The following SLC22A24 variants were observed in gnomAD, a reference collection of about 807,000 sequenced individuals.
SLC22A24 encodes the protein steroid transmembrane transporter SLC22A24.
Under a neutral mutation model 49.8 loss-of-function variants are expected in SLC22A24, and 53 were observed. That is an observed-to-expected ratio of 1.06 (90% CI 0.85 to 1.34). SLC22A24 has a LOEUF of 1.34. SLC22A24 is among the 40% of genes most tolerant of loss of function. The pLI, the probability that SLC22A24 is intolerant of heterozygous loss-of-function variation, is 0.00. For synonymous variants in SLC22A24, 302 were observed against 256.4 expected, an observed-to-expected ratio of 1.18 and a Z score of -1.70; for missense variants, 786 against 675.9, an observed-to-expected ratio of 1.16 and a Z score of -1.81.
At chr11:63,137,473 C>G (rs1413642963) in intron 1 of SLC22A24, among the ~76,000 whole-genome samples, 1 of 152,158 alleles carries the variant, frequency 6.6e-6, no homozygotes, top group Non-Finnish European at 1.5e-5. Flanking sequence ...CTCATGGTAA[C>G]TATCTGCTCT....
chr11:63,112,882 A>C (rs920436016), intron 4 of SLC22A24, among the ~76,000 whole-genome samples: 2 of 150,766 alleles, frequency 1.3e-5, no homozygotes, highest in Non-Finnish European at 3.0e-5. Flanking sequence ...AGGCATGGTG[A>C]TGAGTGCCTG....
intron 2 of SLC22A24, among the ~76,000 whole-genome samples, chr11:63,120,812 T>C (rs1418582743): frequency 6.6e-6 from 1 of 152,178 alleles, no homozygotes; most frequent in Non-Finnish European, 1.5e-5. Context: ...AATGTTTATA[T>C]AGAATATATT....
At chr11:63,110,430 A>T (rs2087154747) in intron 4 of SLC22A24, among the ~76,000 whole-genome samples, 1 of 151,442 alleles carries the variant, frequency 6.6e-6, no homozygotes, top group African/African-American at 2.4e-5. Flanking sequence ...TCTATAAATT[A>T]TCTTGGGCAG....
chr11:63,114,886 G>T (rs184094821), intron 4 of SLC22A24, among the ~76,000 whole-genome samples: 1 of 152,152 alleles, frequency 6.6e-6, no homozygotes, highest in African/African-American at 2.4e-5. Context: ...ATCACCAGTG[G>T]AGGTTTTGCA....
chr11:63,135,868 G>A (rs373317798), intron 1 of SLC22A24, among the ~76,000 whole-genome samples: 17 of 152,214 alleles, frequency 1.1e-4, no homozygotes, highest in African/African-American at 3.9e-4. Flanking sequence ...GGAGACGAGA[G>A]CCTTGAAGAT....
chr11:63,115,535 C>A (rs1243039363), intron 4 of SLC22A24, among the ~76,000 whole-genome samples: 1 of 152,206 alleles, frequency 6.6e-6, no homozygotes, highest in East Asian at 1.9e-4. Flanking sequence ...TGAGGCAACA[C>A]TGCGCCCTGC....
intron 2 of SLC22A24, among the ~76,000 whole-genome samples, chr11:63,126,904 T>C (rs1041269597): frequency 6.6e-6 from 1 of 152,162 alleles, no homozygotes; most frequent in African/African-American, 2.4e-5. Flanking sequence ...TTTATTCTCT[T>C]AGTAGCAATT....
At chr11:63,119,452 C>CAAGCACCATG in intron 2 of SLC22A24, 117 bp from the exon 3 acceptor site, 1 of 977,588 alleles carries the variant, frequency 1.0e-6, no homozygotes, top group Non-Finnish European at 1.5e-6. Context: ...GAACATGGTG[C>CAAGCACCATG]TTGACACCGG....
chr11:63,102,698 A>C (rs946744484), intron 5 of SLC22A24, among the ~76,000 whole-genome samples: 2 of 152,158 alleles, frequency 1.3e-5, no homozygotes, highest in East Asian at 1.9e-4. Context: ...GTTCTTTTTC[A>C]TGAGAGGGAA....
intron 6 of SLC22A24, among the ~76,000 whole-genome samples, chr11:63,091,491 C>T (rs907124247): frequency 3.9e-5 from 6 of 152,102 alleles, no homozygotes; most frequent in Non-Finnish European, 8.8e-5. Context: ...TGGTGAACAT[C>T]GATGAGAAAA....
At chr11:63,118,833 G>T in intron 4 of SLC22A24, 79 bp downstream of exon 4, 1 of 1,451,128 alleles carries the variant, frequency 6.9e-7, no homozygotes, top group Non-Finnish European at 9.5e-7. Flanking sequence ...AGACCGAACA[G>T]ATCCCAGGTG....
At chr11:63,141,816 T>G (rs2134688019) in intron 1 of SLC22A24, among the ~76,000 whole-genome samples, 1 of 152,354 alleles carries the variant, frequency 6.6e-6, no homozygotes, top group South Asian at 2.1e-4. Flanking sequence ...TCAGGCCAAG[T>G]ACAGTGAAAC....
At chr11:63,084,698 T>C (rs1269759387) in intron 6 of SLC22A24, among the ~76,000 whole-genome samples, 3 of 152,108 alleles carry the variant, frequency 2.0e-5, no homozygotes, top group African/African-American at 4.8e-5. Flanking sequence ...TCTCTAGGTA[T>C]GTAGAGTGTA....
rs531378714 is a variant in SLC22A24 at position 63,108,943 on chromosome 11, C to G, written c.831-4645G>C. Among the ~76,000 whole-genome samples the G allele has an allele frequency of 3.1e-4, 45 of 143,520 alleles. 3 individuals carry two copies. In the South Asian group the frequency reaches 0.01, roughly 32 times the overall value. 94.2% of individuals were successfully genotyped at this position (143,520 alleles called of 152,430 possible). ...CATGTGCCATGCTGGTGTGCTGCAC[C>G]CACTAACTCGTCATCTAGCATTAGG... On this transcript the variant is annotated intron_variant, in intron 4 of 9. Coordinates refer to ENST00000612278, the MANE Select transcript of SLC22A24 (RefSeq NM_001136506.2).
intron 4 of SLC22A24, among the ~76,000 whole-genome samples, chr11:63,108,659 G>C (rs968496717): frequency 1.1e-4 from 16 of 152,182 alleles, no homozygotes; most frequent in African/African-American, 3.9e-4. Flanking sequence ...GTTTAGTCTT[G>C]GGAGGGTGTA....
chr11:63,131,177 T>C (rs1287735360), intron 2 of SLC22A24, among the ~76,000 whole-genome samples: 2 of 152,154 alleles, frequency 1.3e-5, no homozygotes, highest in Non-Finnish European at 2.9e-5. Flanking sequence ...TCTTTGTATG[T>C]GAGCTGGGTT....
chr11:63,108,936 G>T (rs568719538), intron 4 of SLC22A24, among the ~76,000 whole-genome samples: 1 of 143,176 alleles, frequency 7.0e-6, no homozygotes, highest in African/African-American at 2.6e-5. Context: ...ATGCTGGTGT[G>T]CTGCACCCAC....
At chr11:63,094,095 C>T (rs1217283789) in intron 6 of SLC22A24, among the ~76,000 whole-genome samples, 1 of 151,272 alleles carries the variant, frequency 6.6e-6, no homozygotes, top group African/African-American at 2.4e-5. Context: ...CACTCATTAG[C>T]TTATCATTTA....
At chr11:63,117,909 G>T (rs2087223063) in intron 4 of SLC22A24, among the ~76,000 whole-genome samples, 1 of 152,120 alleles carries the variant, frequency 6.6e-6, no homozygotes, top group South Asian at 2.1e-4. Context: ...CTGTTCAAGG[G>T]TCAACTGTAT....
Sources: allele counts gnomAD v4.1 joint callset (sites outside exome capture counted in the v4.1 genomes callset), GRCh38; gene constraint gnomAD v4.1.1; transcripts MANE v1.5; gene names NCBI Gene and HGNC (gene_info 2026-07-23, HGNC 2026-07-21).